Variants in RNF13 observed in about 807,000 individuals in gnomAD.
The protein encoded by RNF13 is ring finger protein 13, also known as E3 ubiquitin-protein ligase RNF13.
A neutral mutation model predicts 37.7 loss-of-function variants in RNF13; 19 were observed. The ratio of observed to expected loss-of-function variants is 0.50; its 90% CI spans 0.35 to 0.74. The LOEUF (loss-of-function observed/expected upper bound fraction) is 0.74. RNF13 is among the 30% of genes least tolerant of loss of function. The probability of loss-of-function intolerance (pLI) is 0.01; values close to 1 mark genes in which losing one functional copy is unlikely to be tolerated. For missense variants in RNF13, 375 were observed against 453.0 expected (o/e 0.83, Z 1.56); for synonymous variants, 144 against 157.8 (o/e 0.91, Z 0.65).
chr3:149,960,195 T>C, intron 9 of RNF13, 59 bp downstream of exon 9: 1 of 1,164,936 alleles, frequency 8.6e-7, no homozygotes, highest in Admixed American at 1.7e-5. Context: ...TTAGGTTCCA[T>C]ATTCCAGGGG....
intron 4 of RNF13, among the ~76,000 whole-genome samples, chr3:149,873,244 T>C (rs1463247063): frequency 6.6e-6 from 1 of 152,242 alleles, no homozygotes; most frequent in Non-Finnish European, 1.5e-5. Context: ...TTATGCTATG[T>C]AATTTCTGGA....
chr3:149,886,979 T>C (rs909345972), intron 4 of RNF13, among the ~76,000 whole-genome samples: 1 of 152,240 alleles, frequency 6.6e-6, no homozygotes, highest in African/African-American at 2.4e-5. Flanking sequence ...AATTTCCTTC[T>C]GATGTTAATC....
chr3:149,825,802 C>G (rs890001620), intron 1 of RNF13, among the ~76,000 whole-genome samples: 1 of 152,128 alleles, frequency 6.6e-6, no homozygotes, highest in Admixed American at 6.5e-5. Flanking sequence ...AATTCACATA[C>G]AATAAACTAC....
chr3:149,959,945 G>A (rs1722217645), intron 8 of RNF13, 111 bp from the exon 9 acceptor site: 4 of 657,504 alleles, frequency 6.1e-6, no homozygotes, highest in Admixed American at 2.4e-5. Context: ...CCTTGAGTCC[G>A]ATGCAAAAGG....
chr3:149,839,527 G>A (rs1721955365), intron 1 of RNF13, among the ~76,000 whole-genome samples: 1 of 150,418 alleles, frequency 6.6e-6, no homozygotes, highest in African/African-American at 2.5e-5. Flanking sequence ...GCAAAGGCAT[G>A]TCTTACATGG....
chr3:149,877,472 C>CTTTTTTTTTTTTTTTTTTTTTTTCTTT (rs369676407), intron 4 of RNF13, among the ~76,000 whole-genome samples: 1 of 101,486 alleles, frequency 9.9e-6, no homozygotes, highest in African/African-American at 3.8e-5. Context: ...TTCTTTCTGT[C>CTTTTTTTTTTTTTTTTTTTTTTTCTTT]TTTTTTTTTT....
intron 8 of RNF13, 48 bp from the exon 9 acceptor site, chr3:149,960,008 A>G (rs750780425): frequency 7.6e-7 from 1 of 1,311,818 alleles, no homozygotes; most frequent in South Asian, 1.2e-5. Flanking sequence ...CTAACTTGAA[A>G]AGTTTGAAAG....
chr3:149,956,698 G>T (rs1260051041), intron 8 of RNF13, among the ~76,000 whole-genome samples: 1 of 152,152 alleles, frequency 6.6e-6, no homozygotes, highest in Admixed American at 6.5e-5. Context: ...ACAAAAGTGT[G>T]TCTTATTGTT....
chr3:149,886,275 T>C (rs1714023184), intron 4 of RNF13, among the ~76,000 whole-genome samples: 1 of 152,210 alleles, frequency 6.6e-6, no homozygotes, highest in Non-Finnish European at 1.5e-5. Flanking sequence ...AAGAATGTCA[T>C]TGGTTTTGAT....
At chr3:149,843,583 T>C (rs1213414405) in intron 1 of RNF13, among the ~76,000 whole-genome samples, 2 of 152,224 alleles carry the variant, frequency 1.3e-5, no homozygotes, top group African/African-American at 2.4e-5. Flanking sequence ...ACATACACTG[T>C]CATATACGAA....
At chr3:149,931,432 A>G (rs576256395) in intron 8 of RNF13, among the ~76,000 whole-genome samples, 4 of 151,924 alleles carry the variant, frequency 2.6e-5, no homozygotes, top group African/African-American at 9.7e-5. Flanking sequence ...TTTGAATTTA[A>G]TTTGCTCTGT....
At chr3:149,837,972 G>C (rs1721797436) in intron 1 of RNF13, among the ~76,000 whole-genome samples, 2 of 152,196 alleles carry the variant, frequency 1.3e-5, no homozygotes, top group African/African-American at 4.8e-5. Flanking sequence ...TGGGGGTACA[G>C]GCATTGTGTA....
At chr3:149,823,613 T>C (rs192611113) in intron 1 of RNF13, among the ~76,000 whole-genome samples, 447 of 152,274 alleles carry the variant, frequency 2.9e-3, no homozygotes, top group Non-Finnish European at 5.3e-3. Context: ...TTCAATTCAA[T>C]GTTGTACAGC....
At chr3:149,854,328 C>T (rs1723435058) in intron 3 of RNF13, among the ~76,000 whole-genome samples, 1 of 151,972 alleles carries the variant, frequency 6.6e-6, no homozygotes, top group African/African-American at 2.4e-5. Flanking sequence ...CTTTTCTTAC[C>T]TATATGTAGC....
chr3:149,860,110 T>TA (rs1313805060), intron 3 of RNF13, among the ~76,000 whole-genome samples: 1 of 151,014 alleles, frequency 6.6e-6, no homozygotes, highest in African/African-American at 2.4e-5. Flanking sequence ...CTACTAAAAA[T>TA]ACAAAATTAG....
rs1252230548 is a variant in RNF13 at position 149,953,864 on chromosome 3, G to A, written c.701-6192G>A. ...CAGTTTATGAAAAATGCTTACGATA[G>A]TGCTTGGCACATAGAACTCAACAAG... On this transcript the variant is annotated intron_variant, in intron 8 of 9. Coordinates refer to ENST00000392894, the MANE Select transcript of RNF13 (RefSeq NM_183381.3). Among the ~76,000 whole-genome samples, 8 of 152,290 alleles carry A rather than the reference G, an allele frequency of 5.3e-5. No homozygotes were observed. In the East Asian group the frequency reaches 1.5e-3, roughly 29 times the overall value.
At position 149,960,692 on chromosome 3, in the gene RNF13, G is replaced by A. The variant is rs745674852; in HGVS notation, c.782-48G>A. 9.2e-6 allele frequency: 14 copies of A among 1,525,294 alleles called. No individual in the cohort carries two copies. In the East Asian group the frequency reaches 3.2e-4, roughly 34 times the overall value. 94.5% of individuals were successfully genotyped at this position (1,525,294 alleles called of 1,614,324 possible). ...ATATGGCAAGAGATTAAATATAAAA[G>A]TATCAACCGCAGCATACTAACTAAA... On this transcript the variant is annotated intron_variant, in intron 9 of 9. Transcript: ENST00000392894.
chr3:149,831,251 A>G (rs1484145840), intron 1 of RNF13, among the ~76,000 whole-genome samples: 1 of 152,196 alleles, frequency 6.6e-6, no homozygotes, highest in Non-Finnish European at 1.5e-5. Context: ...TGGTAGATCC[A>G]CCAATGGCTT....
chr3:149,943,726 C>T (rs1720500016), intron 8 of RNF13, among the ~76,000 whole-genome samples: 1 of 152,224 alleles, frequency 6.6e-6, no homozygotes, highest in East Asian at 1.9e-4. Flanking sequence ...CTTACTGTTT[C>T]CACAGTCACT....
Sources: allele counts gnomAD v4.1 joint callset (sites outside exome capture counted in the v4.1 genomes callset), GRCh38; gene constraint gnomAD v4.1.1; transcripts MANE v1.5; gene names NCBI Gene and HGNC (gene_info 2026-07-23, HGNC 2026-07-21).